Variants in KMO observed in about 807,000 individuals in gnomAD.
KMO encodes kynurenine 3-monooxygenase, also known as kynurenine 3-hydroxylase.
KMO carries 24 observed loss-of-function variants against 57.8 expected under a neutral mutation model. That is an observed-to-expected ratio of 0.42 (90% CI 0.30 to 0.58). KMO has a LOEUF of 0.58. Among genes scored for constraint, KMO ranks in the 20% least tolerant of loss-of-function variants. KMO has a pLI of 0.22. For missense variants in KMO, 483 were observed against 588.2 expected (o/e 0.82, Z 1.85); for synonymous variants, 210 against 193.6 (o/e 1.08, Z -0.70).
intron 1 of KMO, among the ~76,000 whole-genome samples, chr1:241,542,586 T>C (rs975242708): frequency 2.6e-5 from 4 of 152,242 alleles, no homozygotes; most frequent in Non-Finnish European, 4.4e-5. Context: ...TTCATAATTG[T>C]TCATGTCCTT....
chr1:241,590,612 A>G (rs535427783), intron 14 of KMO, among the ~76,000 whole-genome samples: 1 of 152,368 alleles, frequency 6.6e-6, no homozygotes, highest in East Asian at 1.9e-4. Flanking sequence ...AATCACTTTT[A>G]AAAGATCTAT....
intron 10 of KMO, among the ~76,000 whole-genome samples, chr1:241,579,141 CT>C (rs1350493951): frequency 6.6e-6 from 1 of 152,052 alleles, no homozygotes; most frequent in Non-Finnish European, 1.5e-5. Flanking sequence ...AAATTTTCTC[CT>C]TCCTGAGTGC....
chr1:241,577,661 G>A (rs1662574341), intron 10 of KMO, among the ~76,000 whole-genome samples: 1 of 152,120 alleles, frequency 6.6e-6, no homozygotes, highest in South Asian at 2.1e-4. Context: ...TTCCCATGAT[G>A]TGCACTTTTT....
chr1:241,566,234 T>C (rs1275331545), intron 8 of KMO, among the ~76,000 whole-genome samples: 1 of 152,068 alleles, frequency 6.6e-6, no homozygotes, highest in Non-Finnish European at 1.5e-5. Flanking sequence ...GAGTGTAGTA[T>C]TTGCTGTGTG....
chr1:241,556,484 G>A (rs561648397), intron 5 of KMO, among the ~76,000 whole-genome samples: 6 of 152,260 alleles, frequency 3.9e-5, no homozygotes, highest in African/African-American at 1.2e-4. Flanking sequence ...AATCCCTATG[G>A]TCTCCTAGGC....
chr1:241,552,260 C>G (rs948908543), intron 4 of KMO, among the ~76,000 whole-genome samples: 1 of 151,914 alleles, frequency 6.6e-6, no homozygotes, highest in African/African-American at 2.4e-5. Flanking sequence ...CTTTTTGCGG[C>G]CTTCAATGCA....
chr1:241,574,896 G>A (rs1662449056), intron 10 of KMO, among the ~76,000 whole-genome samples: 3 of 151,864 alleles, frequency 2.0e-5, no homozygotes, highest in South Asian at 2.1e-4. Context: ...CTGGTCCTGG[G>A]CTTTTATTTT....
At chr1:241,572,449 T>C (rs566652274) in intron 10 of KMO, among the ~76,000 whole-genome samples, 1 of 152,206 alleles carries the variant, frequency 6.6e-6, no homozygotes, top group South Asian at 2.1e-4. Flanking sequence ...ATTTTATTTA[T>C]TTGAGTCTTC....
intron 4 of KMO, among the ~76,000 whole-genome samples, chr1:241,554,674 C>T (rs1661543366): frequency 6.6e-6 from 1 of 151,012 alleles, no homozygotes; most frequent in Admixed American, 6.6e-5. Flanking sequence ...ATTTTTAAGT[C>T]AGGAGGAAAA....
At chr1:241,566,747 C>A (rs1662094675) in intron 9 of KMO, 135 bp downstream of exon 9, 2 of 921,224 alleles carry the variant, frequency 2.2e-6, no homozygotes, top group Non-Finnish European at 3.4e-6. Context: ...TACATTAGAG[C>A]AAAAGTCTAA....
rs1660610564 is a variant in KMO at position 241,532,427 on chromosome 1, A to G, written c.-18A>G. On this transcript the variant is annotated 5_prime_UTR_variant, in exon 1 of 15. Coordinates refer to ENST00000366559, the MANE Select transcript of KMO (RefSeq NM_003679.5). ...AGTGACAGAAGCAACAATAATTGTG[A>G]AAAATACTTCAGCAGTTATGGACTC... 1.2e-6 allele frequency: 2 copies of G among 1,612,216 alleles called. No individual in the cohort carries two copies. Among genetic ancestry groups the G allele is most frequent in the Admixed American group, 3.4e-5 (2 of 59,460 alleles).
chr1:241,546,369 C>T (rs1453738757), intron 1 of KMO, among the ~76,000 whole-genome samples: 3 of 152,166 alleles, frequency 2.0e-5, no homozygotes, highest in Non-Finnish European at 4.4e-5. Context: ...GGTCATCTCT[C>T]TGCGTCTCCT....
At chr1:241,588,921 T>G in intron 12 of KMO, 91 bp downstream of exon 12, 1 of 852,792 alleles carries the variant, frequency 1.2e-6, no homozygotes, top group Non-Finnish European at 1.9e-6. Flanking sequence ...AGCCCCCATC[T>G]CATGCATGCT....
intron 7 of KMO, among the ~76,000 whole-genome samples, chr1:241,563,872 A>G (rs1214570291): frequency 6.6e-6 from 1 of 152,058 alleles, no homozygotes; most frequent in Admixed American, 6.6e-5. Context: ...TCTTCATGTA[A>G]TGTGTGAAAT....
intron 10 of KMO, among the ~76,000 whole-genome samples, chr1:241,581,600 A>C (rs1217365329): frequency 1.3e-5 from 2 of 152,020 alleles, no homozygotes; most frequent in Admixed American, 6.6e-5. Context: ...AAAAGAAAGA[A>C]AGAAGAAAAA....
At chr1:241,564,946 A>G (rs1662019207) in intron 7 of KMO, 41 bp from the exon 8 acceptor site, 4 of 1,268,086 alleles carry the variant, frequency 3.2e-6, no homozygotes, top group Non-Finnish European at 4.6e-6. Flanking sequence ...TAGGTTTGCT[A>G]TATGAATGCA....
chr1:241,537,733 G>A (rs899492684), intron 1 of KMO, among the ~76,000 whole-genome samples: 4 of 152,130 alleles, frequency 2.6e-5, no homozygotes, highest in Non-Finnish European at 5.9e-5. Flanking sequence ...ATGGTGGCAG[G>A]CAAGAGACGG....
chr1:241,554,477 T>C (rs898446131), intron 4 of KMO, among the ~76,000 whole-genome samples: 5 of 151,870 alleles, frequency 3.3e-5, no homozygotes, highest in Non-Finnish European at 7.4e-5. Context: ...TTTCGCCATG[T>C]TGGCCAGGCT....
At position 241,594,265 on chromosome 1, in the gene KMO, C is replaced by T. The variant is rs899416334; in HGVS notation, c.*2112C>T. 5 of 718,626 alleles carry T rather than the reference C, an allele frequency of 7.0e-6. No individual in the cohort carries two copies. In the Admixed American group the frequency reaches 1.3e-4, roughly 18 times the overall value. 44.5% of individuals were successfully genotyped at this position (718,626 alleles called of 1,614,324 possible). A position where few individuals can be genotyped will look rare whatever the true frequency, so the allele number is the denominator to read the frequency against. On this transcript the variant is annotated 3_prime_UTR_variant, in exon 15 of 15. Transcript: ENST00000366559. Reference sequence around the variant, plus strand: ...ATTAAAAGAATTTGTTTTTGTTCAACCTCTTCCTGAGGCCCAAGAGCATAT... The same window carrying T: ...ATTAAAAGAATTTGTTTTTGTTCAATCTCTTCCTGAGGCCCAAGAGCATAT...
Sources: allele counts gnomAD v4.1 joint callset (sites outside exome capture counted in the v4.1 genomes callset), GRCh38; gene constraint gnomAD v4.1.1; transcripts MANE v1.5; gene names NCBI Gene and HGNC (gene_info 2026-07-23, HGNC 2026-07-21).